HGD: variants seen among roughly 807,000 people sequenced by gnomAD.
The protein encoded by HGD is homogentisate 1,2-dioxygenase.
Under a neutral mutation model 60.8 loss-of-function variants are expected in HGD, and 61 were observed. The ratio of observed to expected loss-of-function variants is 1.00; its 90% CI spans 0.82 to 1.24. The LOEUF (loss-of-function observed/expected upper bound fraction) is 1.24, where lower values mean the gene tolerates loss of function less well. Ranked by LOEUF, HGD falls within the 50% of genes most tolerant of loss-of-function variation. The pLI, the probability that HGD is intolerant of heterozygous loss-of-function variation, is 0.00. For missense variants in HGD, 542 were observed against 547.1 expected (o/e 0.99, Z 0.09); for synonymous variants, 212 against 187.7 (o/e 1.13, Z -1.06).
chr3:120,655,273 T>C (rs548543197), intron 4 of HGD, among the ~76,000 whole-genome samples: 45 of 152,236 alleles, frequency 3.0e-4, no homozygotes, highest in Admixed American at 2.7e-3. Flanking sequence ...CCTCAAGTCA[T>C]GAGAACAGAG....
intron 9 of HGD, among the ~76,000 whole-genome samples, chr3:120,645,116 G>C (rs1332238545): frequency 2.6e-5 from 4 of 152,184 alleles, no homozygotes; most frequent in Non-Finnish European, 5.9e-5. Context: ...ATCATTTCCA[G>C]CTCCTGGACT....
At chr3:120,666,858 C>A (rs1447982807) in intron 4 of HGD, among the ~76,000 whole-genome samples, 1 of 152,050 alleles carries the variant, frequency 6.6e-6, no homozygotes, top group Non-Finnish European at 1.5e-5. Flanking sequence ...GCTTTTTAAT[C>A]CAGTTGCTTC....
At chr3:120,663,310 T>C (rs924048362) in intron 4 of HGD, among the ~76,000 whole-genome samples, 2 of 152,112 alleles carry the variant, frequency 1.3e-5, no homozygotes, top group Non-Finnish European at 2.9e-5. Flanking sequence ...TAGTCCATTT[T>C]TATGCTGCTG....
chr3:120,679,347 C>T (rs1256870053), intron 1 of HGD, among the ~76,000 whole-genome samples: 1 of 152,168 alleles, frequency 6.6e-6, no homozygotes, highest in Non-Finnish European at 1.5e-5. Context: ...GATGAAACTA[C>T]TGCTACATTT....
At chr3:120,649,365 G>A (rs1034035315) in intron 6 of HGD, among the ~76,000 whole-genome samples, 2 of 151,576 alleles carry the variant, frequency 1.3e-5, no homozygotes, top group Admixed American at 6.6e-5. Flanking sequence ...GGCTGGTCTC[G>A]AGCTCCTGAC....
intron 12 of HGD, 109 bp downstream of exon 12, chr3:120,638,346 G>T: frequency 1.5e-6 from 2 of 1,332,384 alleles, no homozygotes; most frequent in Non-Finnish European, 1.1e-6. Flanking sequence ...CTGAATTCAT[G>T]CCATGGTGGG....
Position 120,638,565 on chromosome 3 carries a change from G to C in HGD, c.896C>G (p.Thr299Arg), listed in dbSNP as rs1395114535. Residue 299 changes from threonine (T) to arginine (R), a missense_variant, in exon 12 of 14, where the codon ACA (threonine) becomes AGA (arginine). Around this residue, in one of 2 missense-constraint regions of HGD, gnomAD observed 537 missense variants for 529.1 expected, o/e 1.01. Coordinates refer to ENST00000283871, the MANE Select transcript of HGD (RefSeq NM_000187.4). ...GCGGACAGACTTAGCAGTCAATACTGTGAAAATGGATGGGTCCTGTGAACA... is the reference window on the plus strand; with the variant it reads ...GCGGACAGACTTAGCAGTCAATACTCTGAAAATGGATGGGTCCTGTGAACA... Reference protein sequence around the residue: ...AFDHADPSIFTVLTAKSVRPG... With the variant: ...AFDHADPSIFRVLTAKSVRPG... 1 of 1,613,866 alleles carries C rather than the reference G, an allele frequency of 6.2e-7. No individual in the cohort carries two copies. The highest frequency in any genetic ancestry group is 1.3e-5 in the African/African-American group (1 of 74,900).
Position 120,665,637 on chromosome 3 carries a change from A to G in HGD, c.282+4790T>C, listed in dbSNP as rs528654259. Among the ~76,000 whole-genome samples, 10 of 152,382 alleles carry G rather than the reference A, an allele frequency of 6.6e-5. No homozygotes were observed. The South Asian group carries it at 2.1e-3, about 32-fold the overall frequency. ...TTCTTGGATAACTGATTAAATATACACTAAAGAAAATGAAGGCTTTAGGGG... is the reference window on the plus strand; with the variant it reads ...TTCTTGGATAACTGATTAAATATACGCTAAAGAAAATGAAGGCTTTAGGGG... On this transcript the variant is annotated intron_variant, in intron 4 of 13. Coordinates refer to ENST00000283871, the MANE Select transcript of HGD (RefSeq NM_000187.4).
intron 4 of HGD, among the ~76,000 whole-genome samples, chr3:120,658,574 A>C (rs1405466420): frequency 6.6e-6 from 1 of 152,098 alleles, no homozygotes; most frequent in Non-Finnish European, 1.5e-5. Flanking sequence ...CAATCTGTGG[A>C]TGGATCTACC....
At chr3:120,646,223 C>T (rs762211044) in intron 9 of HGD, 44 bp downstream of exon 9, 3 of 1,144,728 alleles carry the variant, frequency 2.6e-6, no homozygotes, top group African/African-American at 3.0e-5. Flanking sequence ...TTATCTGAGT[C>T]CTACATCTCA....
chr3:120,649,143 T>TC (rs997510567), intron 6 of HGD, among the ~76,000 whole-genome samples: 5 of 135,022 alleles, frequency 3.7e-5, no homozygotes, highest in African/African-American at 1.1e-4. Context: ...CTTTTTCTTT[T>TC]TTTTTTTTTT....
intron 2 of HGD, 41 bp from the exon 3 acceptor site, chr3:120,675,030 A>C (rs563184896): frequency 2.4e-5 from 34 of 1,404,366 alleles, no homozygotes; most frequent in Non-Finnish European, 3.4e-5. Flanking sequence ...CTCCCATCCG[A>C]AAAGCATCCC....
intron 4 of HGD, among the ~76,000 whole-genome samples, chr3:120,660,595 C>T (rs756403776): frequency 9.9e-5 from 15 of 152,238 alleles, no homozygotes; most frequent in South Asian, 4.2e-4. Context: ...GAGGCCGAGG[C>T]GGCCAGATCA....
intron 1 of HGD, among the ~76,000 whole-genome samples, chr3:120,681,055 T>A (rs1279669477): frequency 6.6e-6 from 1 of 152,266 alleles, no homozygotes; most frequent in Admixed American, 6.5e-5. Flanking sequence ...CAAAGTCTTT[T>A]ACTCCGGTGT....
Position 120,638,566 on chromosome 3 carries a change from T to C in HGD, c.895A>G (p.Thr299Ala), listed in dbSNP as rs372420052. ...CGGACAGACTTAGCAGTCAATACTG[T>C]GAAAATGGATGGGTCCTGTGAACAC... ...AFDHADPSIFTVLTAKSVRPG... is the reference protein window; with the variant it reads ...AFDHADPSIFAVLTAKSVRPG... Residue 299 changes from threonine to alanine, a missense_variant, in exon 12 of 14, where the codon ACA becomes GCA. Thr to Ala is a moderately conservative substitution (Grantham distance 58, BLOSUM62 0). Transcript: ENST00000283871. 8 of 1,613,744 alleles carry C rather than the reference T, an allele frequency of 5.0e-6. No homozygotes were observed. In the African/African-American group the frequency reaches 8.0e-5, roughly 16 times the overall value.
Position 120,641,652 on chromosome 3 carries a change from A to G in HGD, c.816T>C (p.Tyr272=), listed in dbSNP as rs1036188406. The change falls in exon 11 of 14, where the codon TAT becomes TAC. Residue 272 remains tyrosine (Y), a synonymous_variant. Transcript: ENST00000283871. ...TCTTCAGGTTGTACTTGTAGGGTGT[A>G]TAATTCCCGTGCCAGGCCACAACAT... is the stretch of plus-strand genomic sequence containing the variant. ...PFNVVAWHGN[Y]TPYKYNLKNF... 1.2e-6 allele frequency: 2 copies of G among 1,613,960 alleles called. No individual in the cohort carries two copies. The highest frequency in any genetic ancestry group is 1.7e-5 in the Admixed American group (1 of 60,010).
intron 4 of HGD, among the ~76,000 whole-genome samples, chr3:120,659,723 C>T (rs536282022): frequency 6.6e-6 from 1 of 152,242 alleles, no homozygotes; most frequent in East Asian, 1.9e-4. Context: ...CTCCTTGGTA[C>T]CAATTTTCTT....
chr3:120,673,184 G>A (rs551001147), intron 3 of HGD, among the ~76,000 whole-genome samples: 2 of 152,244 alleles, frequency 1.3e-5, no homozygotes, highest in East Asian at 3.9e-4. Context: ...GCCATACCTA[G>A]TGTCCCTTAT....
chr3:120,669,346 C>T (rs146506485), intron 4 of HGD, among the ~76,000 whole-genome samples: 204 of 151,770 alleles, frequency 1.3e-3, no homozygotes, highest in African/African-American at 4.7e-3. Flanking sequence ...ATAAAATTTC[C>T]GCTCATCCAA....
Sources: gnomAD v4.1 joint callset for allele counts (sites outside exome capture counted in the v4.1 genomes callset) on GRCh38, gnomAD v4.1.1 for gene constraint, gnomAD v4.1.1 regional missense constraint, MANE v1.5 for transcripts, NCBI Gene and HGNC (gene_info 2026-07-23, HGNC 2026-07-21) for gene names.